The following SYNE1 variants were observed in gnomAD, a reference collection of about 807,000 sequenced individuals.
SYNE1 encodes the protein spectrin repeat containing nuclear envelope protein 1.
A neutral mutation model predicts 1,111.0 loss-of-function variants in SYNE1; 616 were observed. The ratio of observed to expected loss-of-function variants is 0.55; its 90% confidence interval spans 0.52 to 0.59. The LOEUF (loss-of-function observed/expected upper bound fraction) is 0.59. SYNE1 is among the 20% of genes least tolerant of loss of function. The pLI, the probability that SYNE1 is intolerant of heterozygous loss-of-function variation, is 0.00. For synonymous variants in SYNE1, 3,855 were observed against 3,825.8 expected, an observed-to-expected ratio of 1.01 and a Z score of -0.28; for missense variants, 10,006 against 10,417.0, an observed-to-expected ratio of 0.96 and a Z score of 1.72.
At chr6:152,225,971 C>A in intron 115 of SYNE1, 95 bp from the exon 116 acceptor site, 2 of 1,237,718 alleles carry the variant, frequency 1.6e-6, no homozygotes. Context: ...GTCCTAAAAA[C>A]CTTTTACTAA....
At chr6:152,442,334 A>G (rs2098539240) in intron 30 of SYNE1, 89 bp from the exon 31 acceptor site, 2 of 1,516,458 alleles carry the variant, frequency 1.3e-6, no homozygotes, top group Non-Finnish European at 1.8e-6. Context: ...ACAGAAGTAC[A>G]GAAAGGTGGG....
chr6:152,477,667 T>TTATC (rs10642293), intron 14 of SYNE1, among the ~76,000 whole-genome samples: 78,617 of 151,612 alleles, frequency 0.52, 22,108 homozygotes, highest in East Asian at 0.76. Flanking sequence ...AGAAGGTAAA[T>TTATC]TAAGGGAAGG....
At chr6:152,168,048 T>C (rs1025533868) in intron 130 of SYNE1, 2 of 780,704 alleles carry the variant, frequency 2.6e-6, no homozygotes, top group Non-Finnish European at 2.4e-6. Flanking sequence ...TTCCAGCGTC[T>C]ATCCTACAAA....
intron 76 of SYNE1, chr6:152,335,934 A>G (rs1453234626): frequency 1.3e-5 from 2 of 151,928 alleles, no homozygotes; most frequent in Non-Finnish European, 2.9e-5. Flanking sequence ...TGATCTGCCC[A>G]CCTCAGCTTC....
At chr6:152,481,336 G>A (rs1425942679) in intron 14 of SYNE1, among the ~76,000 whole-genome samples, 1 of 152,034 alleles carries the variant, frequency 6.6e-6, no homozygotes, top group Non-Finnish European at 1.5e-5. Flanking sequence ...AGGAATATTT[G>A]CTACCATGCC....
intron 36 of SYNE1, among the ~76,000 whole-genome samples, chr6:152,429,321 A>G (rs981088771): frequency 1.3e-5 from 2 of 152,168 alleles, no homozygotes; most frequent in Non-Finnish European, 2.9e-5. Flanking sequence ...TTGGTCCTCC[A>G]TTATTAACTT....
At chr6:152,327,498 ACT>A (rs2096107508) in intron 78 of SYNE1, among the ~76,000 whole-genome samples, 1 of 152,022 alleles carries the variant, frequency 6.6e-6, no homozygotes, top group African/African-American at 2.4e-5. Flanking sequence ...GAAAAGAAAC[ACT>A]CTAACCAGCC....
chr6:152,274,012 A>G (rs1307926244), intron 98 of SYNE1, among the ~76,000 whole-genome samples: 2 of 152,234 alleles, frequency 1.3e-5, no homozygotes, highest in Non-Finnish European at 1.5e-5. Context: ...GGAAACTTTC[A>G]AGGCTTTCCC....
At chr6:152,310,546 C>T in intron 88 of SYNE1, 28 bp from the exon 89 acceptor site, 1 of 1,613,728 alleles carries the variant, frequency 6.2e-7, no homozygotes, top group African/African-American at 1.3e-5. Flanking sequence ...ATGTATTGTA[C>T]TTGAAGTTCA....
At chr6:152,123,708 A>C (rs1232948619) in intron 145 of SYNE1, among the ~76,000 whole-genome samples, 1 of 152,244 alleles carries the variant, frequency 6.6e-6, no homozygotes, top group Non-Finnish European at 1.5e-5. Flanking sequence ...AAAATAAAAG[A>C]TGTAGCCAAA....
intron 14 of SYNE1, among the ~76,000 whole-genome samples, chr6:152,477,976 A>T (rs1386906286): frequency 6.6e-6 from 1 of 152,184 alleles, no homozygotes; most frequent in Non-Finnish European, 1.5e-5. Context: ...TTTGTTGGCC[A>T]GGTTGGTCTC....
At chr6:152,371,918 G>GAAAGGA (rs2097196271) in intron 59 of SYNE1, among the ~76,000 whole-genome samples, 4 of 64,942 alleles carry the variant, frequency 6.2e-5, no homozygotes, top group African/African-American at 9.4e-5. Context: ...GAAAGGAAAG[G>GAAAGGA]AAAGGACAGG....
chr6:152,322,226 T>C (rs1439833000), intron 82 of SYNE1, among the ~76,000 whole-genome samples: 1 of 152,208 alleles, frequency 6.6e-6, no homozygotes, highest in African/African-American at 2.4e-5. Context: ...AATTGGAATA[T>C]ATATAGCTAT....
In SYNE1 at chr6:152,221,567, A is replaced by C. The variant is rs187773880; in HGVS notation, c.21523-8T>G. Reference sequence around the variant, plus strand: ...CAGATCATCTTGGAGATTCTGCCCCAAAAAAAAGACCCATAGATGACATAA... The same window carrying C: ...CAGATCATCTTGGAGATTCTGCCCCCAAAAAAAGACCCATAGATGACATAA... On this transcript the variant is annotated splice_polypyrimidine_tract_variant and splice_region_variant and intron_variant, in intron 117 of 145. Transcript: ENST00000367255. 1,269 of 1,609,324 alleles carry C rather than the reference A, an allele frequency of 7.9e-4. 8 individuals are homozygous for C. The East Asian group carries it at 0.014, about 17-fold the overall frequency.
intron 98 of SYNE1, among the ~76,000 whole-genome samples, chr6:152,275,993 G>GT (rs2093597015): frequency 7.9e-6 from 1 of 126,520 alleles, no homozygotes; most frequent in South Asian, 2.5e-4. Context: ...CCTCTAACTT[G>GT]TTTTTTGTCT....
At chr6:152,606,697 G>T (rs1329007808) in intron 3 of SYNE1, among the ~76,000 whole-genome samples, 1 of 152,098 alleles carries the variant, frequency 6.6e-6, no homozygotes, top group Admixed American at 6.5e-5. Flanking sequence ...GCCCAGGCTG[G>T]AATGCAGTGG....
In SYNE1 at chr6:152,326,309, C is replaced by G; in HGVS notation, c.15280G>C (p.Asp5094His). 6.2e-7 allele frequency: 1 copy of G among 1,614,128 alleles called. No individual in the cohort carries two copies. The highest frequency in any genetic ancestry group is 8.5e-7 in the Non-Finnish European group (1 of 1,179,994). Residue 5094 changes from aspartate (D) to histidine (H), a missense_variant, in exon 79 of 146, where the codon GAT becomes CAT. By Grantham distance (81) the Asp-to-His change is moderately conservative. This residue lies in a region of SYNE1 where 4,955 missense variants were observed against 5,017.2 expected (regional missense o/e 0.99). Coordinates refer to ENST00000367255, the MANE Select transcript of SYNE1 (RefSeq NM_182961.4). ...ATCCTGAAATACCTCTGCAAGAGAT[C>G]CACTTGGGCACCAGAGTCCCGGCTC... ...RMSRDSGAQV[D>H]LLQRCTAQWH...
At chr6:152,425,608 G>C in intron 38 of SYNE1, 61 bp from the exon 39 acceptor site, 1 of 1,590,442 alleles carries the variant, frequency 6.3e-7, no homozygotes, top group Non-Finnish European at 8.6e-7. Context: ...AGGACCATGC[G>C]GCACAGGCGG....
Position 152,488,390 on chromosome 6 carries a change from C to G in SYNE1, c.1047+6G>C, listed in dbSNP as rs761785672. On this transcript the variant is annotated splice_donor_region_variant and intron_variant, in intron 12 of 145. Transcript: ENST00000367255. Reference sequence around the variant, plus strand: ...GAAAAATTCAAAAATCTTCTCCATACAATACCTGATATTTATCCTGTAAAT... The same window carrying G: ...GAAAAATTCAAAAATCTTCTCCATAGAATACCTGATATTTATCCTGTAAAT... 4.6e-6 allele frequency: 7 copies of G among 1,515,584 alleles called. No individual in the cohort carries two copies. Among genetic ancestry groups the G allele is most frequent in the Admixed American group, 1.7e-5 (1 of 59,608 alleles). The allele number at this position is 1,515,584 out of a possible 1,614,324, so 93.9% of individuals were successfully genotyped here.
Sources: gnomAD v4.1 joint callset for allele counts (sites outside exome capture counted in the v4.1 genomes callset) on GRCh38, gnomAD v4.1.1 for gene constraint, gnomAD v4.1.1 regional missense constraint, MANE v1.5 for transcripts, NCBI Gene and HGNC (gene_info 2026-07-23, HGNC 2026-07-21) for gene names.